Variants in ZNF423 observed in about 807,000 individuals in gnomAD.
The protein encoded by ZNF423 is Ebf-associated zinc finger protein.
ZNF423 carries 12 observed loss-of-function variants against 95.8 expected under a neutral mutation model. The ratio of observed to expected loss-of-function variants is 0.13; its 90% CI spans 0.08 to 0.20. ZNF423 has a LOEUF of 0.20. Among genes scored for constraint, ZNF423 ranks in the 10% least tolerant of loss-of-function variants. The probability of loss-of-function intolerance (pLI) is 1.00; values close to 1 mark genes in which losing one functional copy is unlikely to be tolerated. For missense variants in ZNF423, 1,316 were observed against 1,737.1 expected, an observed-to-expected ratio of 0.76 and a Z score of 4.31; for synonymous variants, 749 against 711.9, an observed-to-expected ratio of 1.05 and a Z score of -0.83.
At chr16:49,525,309 C>A in intron 6 of ZNF423, 54 bp downstream of exon 6, 1 of 1,600,570 alleles carries the variant, frequency 6.2e-7, no homozygotes, top group Non-Finnish European at 8.5e-7. Flanking sequence ...AATAACAGGG[C>A]AGGGCTCCTG....
rs147725185 is a variant in ZNF423, at chr16:49,612,603, C to A, written c.3601+13567G>T. On this transcript the variant is annotated intron_variant, in intron 5 of 7. Coordinates refer to ENST00000563137, the MANE Select transcript of ZNF423 (RefSeq NM_001379286.1). ...TCGTAGAAGACTGAATGTTGTCTCC[C>A]TTAAGATCAGAAATAAGGCAAACAT... 4.3e-3 allele frequency among the ~76,000 whole-genome samples: 660 copies of A among 152,156 alleles called. 6 individuals are homozygous for A. The highest frequency in any genetic ancestry group is 0.015 in the African/African-American group (605 of 41,556).
chr16:49,642,612 G>A (rs1973011334), intron 3 of ZNF423, among the ~76,000 whole-genome samples: 2 of 152,152 alleles, frequency 1.3e-5, no homozygotes, highest in African/African-American at 2.4e-5. Context: ...CCCAAACTCA[G>A]ATTGCCCTGT....
At chr16:49,574,263 T>C (rs1970433393) in intron 5 of ZNF423, among the ~76,000 whole-genome samples, 1 of 152,166 alleles carries the variant, frequency 6.6e-6, no homozygotes, top group South Asian at 2.1e-4. Context: ...TACATGCCTG[T>C]GGTCCCAGCT....
chr16:49,496,702 C>T (rs1002633173), intron 7 of ZNF423, among the ~76,000 whole-genome samples: 1 of 152,214 alleles, frequency 6.6e-6, no homozygotes, highest in Non-Finnish European at 1.5e-5. Context: ...GCATACGTCC[C>T]AGTCTGGCTA....
chr16:49,842,378 A>C (rs1189187361), intron 1 of ZNF423, among the ~76,000 whole-genome samples: 1 of 91,802 alleles, frequency 1.1e-5, no homozygotes, highest in African/African-American at 4.6e-5. Flanking sequence ...GGAAGGAAGG[A>C]AGGAAGGAAG....
At chr16:49,648,278 T>C (rs990487343) in intron 3 of ZNF423, among the ~76,000 whole-genome samples, 9 of 152,168 alleles carry the variant, frequency 5.9e-5, no homozygotes, top group African/African-American at 2.2e-4. Context: ...GCTAAGTAGA[T>C]TTCCAAGCAA....
intron 5 of ZNF423, among the ~76,000 whole-genome samples, chr16:49,621,725 G>A (rs1162556792): frequency 6.6e-6 from 1 of 152,148 alleles, no homozygotes; most frequent in East Asian, 1.9e-4. Flanking sequence ...GCCATCCACT[G>A]GGACACTGGG....
intron 1 of ZNF423, among the ~76,000 whole-genome samples, chr16:49,824,827 G>A (rs1287353750): frequency 1.3e-5 from 2 of 152,166 alleles, no homozygotes; most frequent in African/African-American, 4.8e-5. Context: ...ATTCCAGGGT[G>A]CCCCGTAAGC....
intron 3 of ZNF423, among the ~76,000 whole-genome samples, chr16:49,708,756 C>T (rs575193666): frequency 6.6e-6 from 1 of 152,320 alleles, no homozygotes; most frequent in East Asian, 1.9e-4. Context: ...CATTTTCCCA[C>T]TGCTTGTCTG....
chr16:49,644,198 A>G (rs1973081848), intron 3 of ZNF423, among the ~76,000 whole-genome samples: 1 of 152,180 alleles, frequency 6.6e-6, no homozygotes, highest in Admixed American at 6.5e-5. Context: ...GGGGGCACAC[A>G]TGGAAGAGGA....
At chr16:49,607,865 A>T (rs1971588526) in intron 5 of ZNF423, among the ~76,000 whole-genome samples, 1 of 152,160 alleles carries the variant, frequency 6.6e-6, no homozygotes, top group Non-Finnish European at 1.5e-5. Context: ...CAAGATGCCC[A>T]GTCAGGAGAA....
intron 3 of ZNF423, among the ~76,000 whole-genome samples, chr16:49,698,006 C>T (rs545834227): frequency 1.3e-5 from 2 of 151,554 alleles, no homozygotes; most frequent in South Asian, 4.2e-4. Context: ...TCTGGGGGTG[C>T]GTGTGTGTGT....
chr16:49,752,380 A>G (rs1596968079), intron 2 of ZNF423, among the ~76,000 whole-genome samples: 1 of 152,114 alleles, frequency 6.6e-6, no homozygotes, highest in Non-Finnish European at 1.5e-5. Flanking sequence ...TTGCATAACC[A>G]CCTGGGCATC....
chr16:49,516,059 C>T (rs529902258), intron 7 of ZNF423, among the ~76,000 whole-genome samples: 3 of 152,328 alleles, frequency 2.0e-5, no homozygotes, highest in African/African-American at 4.8e-5. Context: ...GGCGCCCGGA[C>T]GTGGCTCAGA....
chr16:49,722,563 A>G (rs2032896825), intron 3 of ZNF423, among the ~76,000 whole-genome samples: 1 of 152,216 alleles, frequency 6.6e-6, no homozygotes, highest in African/African-American at 2.4e-5. Context: ...CATCTCTTCC[A>G]TCTCTAAACT....
intron 5 of ZNF423, among the ~76,000 whole-genome samples, chr16:49,593,931 C>T (rs1305345424): frequency 6.6e-6 from 1 of 152,134 alleles, no homozygotes; most frequent in African/African-American, 2.4e-5. Context: ...CTCCTGGCCC[C>T]CCATGGAACC....
intron 5 of ZNF423, among the ~76,000 whole-genome samples, chr16:49,624,518 A>G (rs1972194300): frequency 6.6e-6 from 1 of 152,180 alleles, no homozygotes; most frequent in Admixed American, 6.5e-5. Flanking sequence ...GTGCCACTGC[A>G]CTCCAGCCTG....
chr16:49,554,857 G>A (rs1233147136), intron 5 of ZNF423, among the ~76,000 whole-genome samples: 1 of 151,906 alleles, frequency 6.6e-6, no homozygotes, highest in Non-Finnish European at 1.5e-5. Context: ...AGACCTTCAG[G>A]ACAAAAGCAC....
At chr16:49,676,211 T>A (rs1045778256) in intron 3 of ZNF423, among the ~76,000 whole-genome samples, 3 of 152,234 alleles carry the variant, frequency 2.0e-5, no homozygotes, top group Non-Finnish European at 4.4e-5. Flanking sequence ...TTCCAGAGAC[T>A]GGAGGCGCAG....
Sources: allele counts gnomAD v4.1 joint callset (sites outside exome capture counted in the v4.1 genomes callset), GRCh38; gene constraint gnomAD v4.1.1; transcripts MANE v1.5; gene names NCBI Gene and HGNC (gene_info 2026-07-23, HGNC 2026-07-21).